Variants in SLC22A23 observed in about 807,000 individuals in gnomAD.
SLC22A23 encodes the protein solute carrier family 22 member 23.
Under a neutral mutation model 61.0 loss-of-function variants are expected in SLC22A23, and 26 were observed. The observed-to-expected ratio is 0.43, with a 90% CI of 0.31 to 0.59. The LOEUF (loss-of-function observed/expected upper bound fraction) is 0.59, where lower values mean the gene tolerates loss of function less well. SLC22A23 is among the 20% of genes least tolerant of loss of function. The pLI is 0.11. For synonymous variants in SLC22A23, 430 were observed against 413.9 expected (o/e 1.04, Z -0.47); for missense variants, 796 against 934.7 (o/e 0.85, Z 1.94).
In SLC22A23 at chr6:3,386,364, G is replaced by A. The variant is rs1047018413; in HGVS notation, c.913+23824C>T. On this transcript the variant is annotated intron_variant, in intron 3 of 9. Transcript: ENST00000406686. This position sits in a 1 kb window ranked among gnomAD's most constrained non-coding sequence, Gnocchi z 4.4. ...AGGCTGGAGAGCGAAGGAGAAGGGAGAGCACGCTTGCTCTGTGTACGCCAC... is the reference window on the plus strand; with the variant it reads ...AGGCTGGAGAGCGAAGGAGAAGGGAAAGCACGCTTGCTCTGTGTACGCCAC... 3.9e-5 allele frequency among the ~76,000 whole-genome samples: 6 copies of A among 152,324 alleles called. No homozygotes were observed. Among genetic ancestry groups the A allele is most frequent in the Middle Eastern group, 3.4e-3 (1 of 294 alleles).
rs781295633 is a variant in SLC22A23, at chr6:3,298,507, CAG to C, written c.1083-291_1083-290del. Among the ~76,000 whole-genome samples, 8 of 151,740 alleles carry C rather than the reference CAG, an allele frequency of 5.3e-5. No homozygotes were observed. In the East Asian group the frequency reaches 9.7e-4, roughly 18 times the overall value. On this transcript the variant is annotated intron_variant, in intron 4 of 9. Coordinates refer to ENST00000406686, the MANE Select transcript of SLC22A23 (RefSeq NM_015482.2). ...GATCTCATAGAAGTAAAAAGAAGAACAGAGGATACTAGAGGCTGGGAAGGGTG... is the reference window on the plus strand; with the variant it reads ...GATCTCATAGAAGTAAAAAGAAGAACAGGATACTAGAGGCTGGGAAGGGTG...
At chr6:3,285,136 C>G (rs1157802393) in intron 7 of SLC22A23, 25 bp from the exon 8 acceptor site, 2 of 1,613,032 alleles carry the variant, frequency 1.2e-6, no homozygotes, top group Non-Finnish European at 1.7e-6. Context: ...ATGATCGCAC[C>G]CACACGGACA....
Position 3,278,929 on chromosome 6 carries a change from C to T in SLC22A23, c.1703+4923G>A, listed in dbSNP as rs542220446. Among the ~76,000 whole-genome samples, 55 of 152,232 alleles carry T rather than the reference C, an allele frequency of 3.6e-4. No individual in the cohort carries two copies. In the South Asian group the frequency reaches 0.011, roughly 30 times the overall value. ...CCCTTACTCACACGGGAGTCACATACAGGAGGGCAGAGTACAGACCCCCAG... is the reference window on the plus strand; with the variant it reads ...CCCTTACTCACACGGGAGTCACATATAGGAGGGCAGAGTACAGACCCCCAG... On this transcript the variant is annotated intron_variant, in intron 9 of 9. Transcript: ENST00000406686.
At chr6:3,400,939 C>A (rs1367389984) in intron 3 of SLC22A23, among the ~76,000 whole-genome samples, 8 of 152,228 alleles carry the variant, frequency 5.3e-5, no homozygotes, top group Admixed American at 5.2e-4. Context: ...TACCGACTTG[C>A]CTTCCAATTC....
intron 1 of SLC22A23, among the ~76,000 whole-genome samples, chr6:3,421,549 T>C (rs1195813706): frequency 1.3e-5 from 2 of 152,240 alleles, no homozygotes; most frequent in African/African-American, 4.8e-5. Flanking sequence ...TGTTTGTATA[T>C]GCAGGAAAAG....
chr6:3,386,425 C>T lies in SLC22A23; in HGVS notation c.913+23763G>A, dbSNP rs1767311700. On this transcript the variant is annotated intron_variant, in intron 3 of 9. Transcript: ENST00000406686. This position sits in a 1 kb window ranked among gnomAD's most constrained non-coding sequence, Gnocchi z 4.4. ...AGCCCTGGGGTCCCTGGATGTGGCA[C>T]CAGGAGTTGGTGCTTCTCTTTCCTC... Among the ~76,000 whole-genome samples, 1 of 152,150 alleles carries T rather than the reference C, an allele frequency of 6.6e-6. No homozygotes were observed. The highest frequency in any genetic ancestry group is 1.5e-5 in the Non-Finnish European group (1 of 68,036).
Position 3,454,821 on chromosome 6 carries a change from CTGTTAACCAA to C in SLC22A23, c.654+1075_654+1084del, listed in dbSNP as rs1191351630. ...TATCTTACACATCCATGAGCTACAA[CTGTTAACCAA>C]TGCACACGGGGGGAGGAGGTTACAT... On this transcript the variant is annotated intron_variant, in intron 1 of 9. Transcript: ENST00000406686. The surrounding 1 kb of genome is among the most constrained non-coding windows in gnomAD (Gnocchi z 4.3). 6.6e-6 allele frequency among the ~76,000 whole-genome samples: 1 copy of C among 152,230 alleles called. No homozygotes were observed. Among genetic ancestry groups the C allele is most frequent in the East Asian group, 1.9e-4 (1 of 5,202 alleles).
chr6:3,447,158 C>A (rs1771936132), intron 1 of SLC22A23, among the ~76,000 whole-genome samples: 1 of 152,200 alleles, frequency 6.6e-6, no homozygotes, highest in Admixed American at 6.5e-5. Context: ...ATCGCCACCC[C>A]CCATTCCCAT....
intron 1 of SLC22A23, among the ~76,000 whole-genome samples, chr6:3,441,014 C>G (rs889817448): frequency 1.4e-4 from 21 of 152,296 alleles, no homozygotes; most frequent in African/African-American, 4.8e-4. Context: ...AGTGGAGAGA[C>G]CACATGGTGC....
Position 3,363,037 on chromosome 6 carries a change from C to T in SLC22A23, c.914-39035G>A, listed in dbSNP as rs141784316. Among the ~76,000 whole-genome samples, 491 of 152,276 alleles carry T rather than the reference C, an allele frequency of 3.2e-3. 3 individuals are homozygous for T. Among genetic ancestry groups the T allele is most frequent in the African/African-American group, 0.011 (469 of 41,548 alleles). On this transcript the variant is annotated intron_variant, in intron 3 of 9. Transcript: ENST00000406686. ...ATTCCCACTTGACCTGCTCAGCACT[C>T]GGTGGGACATCCCGCAGCCCACTGC...
At chr6:3,290,197 A>C in intron 5 of SLC22A23, 1 of 398,778 alleles carries the variant, frequency 2.5e-6, no homozygotes, top group East Asian at 5.8e-5. Context: ...TTGTCTGAGT[A>C]CAGAGCTCAG....
intron 3 of SLC22A23, among the ~76,000 whole-genome samples, chr6:3,368,814 G>T (rs903314783): frequency 6.6e-6 from 1 of 152,278 alleles, no homozygotes; most frequent in Non-Finnish European, 1.5e-5. Context: ...CCAGGCAGCG[G>T]CGTCCTCTTT....
At chr6:3,311,534 A>G (rs553544122) in intron 4 of SLC22A23, 3 of 152,316 alleles carry the variant, frequency 2.0e-5, no homozygotes, top group African/African-American at 7.2e-5. Flanking sequence ...GATTTTTTAA[A>G]CGTTAGTTCT....
intron 9 of SLC22A23, among the ~76,000 whole-genome samples, chr6:3,273,800 T>C (rs1486648785): frequency 6.6e-6 from 1 of 152,210 alleles, no homozygotes; most frequent in Non-Finnish European, 1.5e-5. Context: ...CAAAAGGGAT[T>C]GAAATTATGC....
At chr6:3,298,319 G>T in intron 4 of SLC22A23, 101 bp from the exon 5 acceptor site, 1 of 1,405,290 alleles carries the variant, frequency 7.1e-7, no homozygotes, top group Non-Finnish European at 9.5e-7. Context: ...GCAGGTGGCG[G>T]TCAGTCTCCA....
At chr6:3,319,812 C>A (rs1161552241) in intron 4 of SLC22A23, among the ~76,000 whole-genome samples, 1 of 152,150 alleles carries the variant, frequency 6.6e-6, no homozygotes, top group Non-Finnish European at 1.5e-5. Flanking sequence ...CCTGAGGGGT[C>A]CAATGAGCTT....
At chr6:3,351,201 G>A (rs184541979) in intron 3 of SLC22A23, among the ~76,000 whole-genome samples, 1 of 152,132 alleles carries the variant, frequency 6.6e-6, no homozygotes, top group Non-Finnish European at 1.5e-5. Flanking sequence ...AGCTAGAGAG[G>A]CCCTCGCAGT....
At chr6:3,354,939 G>A (rs931490657) in intron 3 of SLC22A23, among the ~76,000 whole-genome samples, 3 of 152,272 alleles carry the variant, frequency 2.0e-5, no homozygotes, top group East Asian at 1.9e-4. Flanking sequence ...GAGGGCCAGA[G>A]GGTGACAGTA....
At chr6:3,435,802 G>A (rs568894060) in intron 1 of SLC22A23, among the ~76,000 whole-genome samples, 19 of 152,098 alleles carry the variant, frequency 1.2e-4, no homozygotes, top group Non-Finnish European at 2.6e-4. Context: ...GATGATTAAA[G>A]TTAAAGTAAG....
Sources: allele counts gnomAD v4.1 joint callset (sites outside exome capture counted in the v4.1 genomes callset), GRCh38; gene constraint gnomAD v4.1.1; non-coding constraint Gnocchi (gnomAD v3.1); transcripts MANE v1.5; gene names NCBI Gene and HGNC (gene_info 2026-07-23, HGNC 2026-07-21).